The following CNTN5 variants were observed in gnomAD, a reference collection of about 807,000 sequenced individuals.
The protein encoded by CNTN5 is contactin 5.
Under a neutral mutation model 129.1 loss-of-function variants are expected in CNTN5, and 77 were observed. That is an observed-to-expected ratio of 0.60 (90% confidence interval 0.50 to 0.72). The LOEUF is 0.72. CNTN5 is among the 30% of genes least tolerant of loss of function. The pLI is 0.00. For missense variants in CNTN5, 1,478 were observed against 1,328.8 expected (o/e 1.11, Z -1.75); for synonymous variants, 509 against 465.6 (o/e 1.09, Z -1.20).
At chr11:100,162,229 G>T (rs1947480128) in intron 13 of CNTN5, among the ~76,000 whole-genome samples, 2 of 151,786 alleles carry the variant, frequency 1.3e-5, no homozygotes, top group South Asian at 4.1e-4. Flanking sequence ...AAAGAACTTA[G>T]AATAATGCCT....
intron 1 of CNTN5, among the ~76,000 whole-genome samples, chr11:99,152,403 TC>T (rs1272726504): frequency 6.6e-6 from 1 of 152,218 alleles, no homozygotes; most frequent in Non-Finnish European, 1.5e-5. Flanking sequence ...ATAACACCCT[TC>T]TTTGTCTTTT....
chr11:99,848,211 A>G (rs1167455625), intron 6 of CNTN5, among the ~76,000 whole-genome samples: 3 of 152,148 alleles, frequency 2.0e-5, no homozygotes, highest in Admixed American at 2.0e-4. Context: ...CTCCTTCTCA[A>G]AACAAAACAA....
chr11:100,183,193 T>C (rs1179387137), intron 13 of CNTN5, among the ~76,000 whole-genome samples: 2 of 152,156 alleles, frequency 1.3e-5, no homozygotes, highest in Non-Finnish European at 2.9e-5. Context: ...TGTCAGCTTC[T>C]TAAAAAGGTA....
rs574238484 is a variant in CNTN5, at chr11:99,169,534, G to A, written c.-210+148264G>A. Among the ~76,000 whole-genome samples, 4 of 152,208 alleles carry A rather than the reference G, an allele frequency of 2.6e-5. No homozygotes were observed. The East Asian group carries it at 7.7e-4, about 29-fold the overall frequency. On this transcript the variant is annotated intron_variant, in intron 1 of 24. Transcript: ENST00000524871. ...GAAAGTAGGTTGATGAAACCTATGAGCCATTAATAAGAAGAATAATGATCC... is the reference window on the plus strand; with the variant it reads ...GAAAGTAGGTTGATGAAACCTATGAACCATTAATAAGAAGAATAATGATCC...
intron 3 of CNTN5, among the ~76,000 whole-genome samples, chr11:99,680,962 A>G (rs1377648276): frequency 1.3e-5 from 2 of 152,018 alleles, no homozygotes; most frequent in Non-Finnish European, 2.9e-5. Flanking sequence ...AGCAACATTA[A>G]CAAGAGTTTA....
intron 8 of CNTN5, among the ~76,000 whole-genome samples, chr11:99,965,295 T>C (rs1951063770): frequency 6.6e-6 from 1 of 152,238 alleles, no homozygotes; most frequent in African/African-American, 2.4e-5. Context: ...CTTTTGGTCA[T>C]TTAGTGCTAT....
chr11:99,153,635 T>C (rs1860182096), intron 1 of CNTN5, among the ~76,000 whole-genome samples: 2 of 152,140 alleles, frequency 1.3e-5, no homozygotes. Context: ...ATTGTATTTC[T>C]GTCATTTCAG....
At chr11:99,816,569 A>C (rs1946593373) in intron 3 of CNTN5, among the ~76,000 whole-genome samples, 2 of 152,238 alleles carry the variant, frequency 1.3e-5, no homozygotes, top group East Asian at 1.9e-4. Flanking sequence ...CAAATAAACC[A>C]ATAATCTTAT....
chr11:99,816,663 T>C (rs988713931), intron 3 of CNTN5, among the ~76,000 whole-genome samples: 1 of 152,232 alleles, frequency 6.6e-6, no homozygotes, highest in Non-Finnish European at 1.5e-5. Flanking sequence ...TCATCTTTAT[T>C]TGGTCTTGTT....
intron 21 of CNTN5, among the ~76,000 whole-genome samples, chr11:100,333,727 G>T (rs1951961374): frequency 2.0e-5 from 3 of 152,128 alleles, no homozygotes. Flanking sequence ...TAATTGGCTA[G>T]CCACATGTTG....
At chr11:100,205,351 C>T (rs1948891678) in intron 15 of CNTN5, among the ~76,000 whole-genome samples, 1 of 151,964 alleles carries the variant, frequency 6.6e-6, no homozygotes, top group Admixed American at 6.6e-5. Context: ...TATTACAGCA[C>T]AAAAATCAGC....
intron 8 of CNTN5, among the ~76,000 whole-genome samples, chr11:99,972,085 TA>T (rs71050038): frequency 0.044 from 4,043 of 92,042 alleles, 86 homozygotes; most frequent in Middle Eastern, 0.079. Context: ...TTATCTCTAT[TA>T]AAAAAAAAAA....
At chr11:99,775,327 A>G (rs1945086405) in intron 3 of CNTN5, among the ~76,000 whole-genome samples, 1 of 148,178 alleles carries the variant, frequency 6.7e-6, no homozygotes, top group South Asian at 2.2e-4. Context: ...GTAAAATGAT[A>G]TAAAACCTCT....
chr11:99,993,667 G>A (rs959275544), intron 8 of CNTN5, among the ~76,000 whole-genome samples: 2 of 152,026 alleles, frequency 1.3e-5, no homozygotes, highest in African/African-American at 4.8e-5. Context: ...CTCACTTACC[G>A]GCCTCTCACT....
At chr11:100,306,374 T>TA (rs1361483494) in intron 20 of CNTN5, among the ~76,000 whole-genome samples, 1 of 151,692 alleles carries the variant, frequency 6.6e-6, no homozygotes, top group African/African-American at 2.4e-5. Flanking sequence ...GATAAAGAGA[T>TA]ATGGAAAGGT....
At chr11:99,984,981 G>C (rs1212006653) in intron 8 of CNTN5, among the ~76,000 whole-genome samples, 1 of 152,186 alleles carries the variant, frequency 6.6e-6, no homozygotes, top group Non-Finnish European at 1.5e-5. Context: ...GCTGGCAGGA[G>C]CGAGCTCCAT....
chr11:99,692,060 A>G (rs117713066), intron 3 of CNTN5, among the ~76,000 whole-genome samples: 1 of 152,140 alleles, frequency 6.6e-6, no homozygotes, highest in Non-Finnish European at 1.5e-5. Flanking sequence ...CTAGAATTGC[A>G]ACCCCTGCTT....
At chr11:99,685,177 T>C (rs1953735443) in intron 3 of CNTN5, among the ~76,000 whole-genome samples, 1 of 151,582 alleles carries the variant, frequency 6.6e-6, no homozygotes, top group Non-Finnish European at 1.5e-5. Flanking sequence ...TAGAAATACA[T>C]TGTCAAATTT....
At chr11:100,104,833 C>G (rs1053987131) in intron 13 of CNTN5, among the ~76,000 whole-genome samples, 1 of 152,136 alleles carries the variant, frequency 6.6e-6, no homozygotes, top group Non-Finnish European at 1.5e-5. Flanking sequence ...ACTAAGAAAT[C>G]TCTAGAATCC....
Sources: allele counts gnomAD v4.1 joint callset (sites outside exome capture counted in the v4.1 genomes callset), GRCh38; gene constraint gnomAD v4.1.1; transcripts MANE v1.5; gene names NCBI Gene and HGNC (gene_info 2026-07-23, HGNC 2026-07-21).